The following ZFP91 variants were observed in gnomAD, a reference collection of about 807,000 sequenced individuals.
ZFP91 encodes the protein E3 ubiquitin-protein ligase ZFP91.
In ZFP91, 7 loss-of-function variants were observed where a neutral mutation model predicts 63.5. The ratio of observed to expected loss-of-function variants is 0.11; its 90% CI spans 0.06 to 0.21. The LOEUF is 0.21. ZFP91 is among the 10% of genes least tolerant of loss of function. The pLI, the probability that ZFP91 is intolerant of heterozygous loss-of-function variation, is 1.00. For missense variants in ZFP91, 628 were observed against 736.6 expected (o/e 0.85, Z 1.71); for synonymous variants, 330 against 272.1 (o/e 1.21, Z -2.10).
rs1045541063 is a variant in ZFP91, at chr11:58,612,755, A to G, written c.909-7A>G. 2.5e-6 allele frequency: 4 copies of G among 1,590,770 alleles called. No individual in the cohort carries two copies. Among genetic ancestry groups the G allele is most frequent in the African/African-American group, 1.4e-5 (1 of 72,396 alleles). On this transcript the variant is annotated splice_region_variant and splice_polypyrimidine_tract_variant and intron_variant, in intron 7 of 10. Transcript: ENST00000316059. ...TTGCTAACTTTTCTTCTGCATTTTGATAATAGAAAAAAGCCTCCAATCCAG... is the reference window on the plus strand; with the variant it reads ...TTGCTAACTTTTCTTCTGCATTTTGGTAATAGAAAAAAGCCTCCAATCCAG...
At chr11:58,616,357 G>C (rs1565026429) in intron 9 of ZFP91, among the ~76,000 whole-genome samples, 6 of 151,784 alleles carry the variant, frequency 4.0e-5, no homozygotes, top group Admixed American at 3.9e-4. Flanking sequence ...GAAAAAAATT[G>C]TTTACTCCTT....
In ZFP91 at chr11:58,618,608, T is replaced by C. The variant is rs1855793612; in HGVS notation, c.*902T>C. Reference sequence around the variant, plus strand: ...TTTTTTGGAGTCTTTGTTGCTATATTTTGTGGGGCTGGGAGAGAGAGATTA... The same window carrying C: ...TTTTTTGGAGTCTTTGTTGCTATATCTTGTGGGGCTGGGAGAGAGAGATTA... On this transcript the variant is annotated 3_prime_UTR_variant, in exon 11 of 11. Transcript: ENST00000316059. The C allele has an allele frequency of 2.3e-6, 1 of 434,820 alleles. No individual in the cohort carries two copies. The highest frequency in any genetic ancestry group is 4.5e-6 in the Non-Finnish European group (1 of 220,484). 26.9% of individuals were successfully genotyped at this position (434,820 alleles called of 1,614,324 possible). A position where few individuals can be genotyped will look rare whatever the true frequency, so the allele number is the denominator to read the frequency against.
At chr11:58,581,542 G>C (rs905329356) in intron 1 of ZFP91, among the ~76,000 whole-genome samples, 1 of 152,168 alleles carries the variant, frequency 6.6e-6, no homozygotes, top group Non-Finnish European at 1.5e-5. Context: ...TGTAATTTTA[G>C]TAGAGGTGAG....
intron 2 of ZFP91, among the ~76,000 whole-genome samples, chr11:58,585,498 G>T (rs1274645146): frequency 2.6e-5 from 4 of 151,970 alleles, no homozygotes; most frequent in African/African-American, 9.7e-5. Context: ...TTTTTTTCTA[G>T]TTTTTGGCTG....
At chr11:58,587,599 T>C (rs1042487597) in intron 2 of ZFP91, among the ~76,000 whole-genome samples, 2 of 152,166 alleles carry the variant, frequency 1.3e-5, no homozygotes, top group Non-Finnish European at 1.5e-5. Flanking sequence ...TCTTAAGGGA[T>C]GGAGATCTAG....
At chr11:58,612,495 G>T (rs1404425023) in intron 7 of ZFP91, 167 bp downstream of exon 7, 2 of 680,082 alleles carry the variant, frequency 2.9e-6, no homozygotes, top group Non-Finnish European at 5.0e-6. Context: ...TATTTTCATT[G>T]TAAGAGCTTG....
chr11:58,609,002 T>C (rs1280990853), intron 2 of ZFP91, among the ~76,000 whole-genome samples: 1 of 152,204 alleles, frequency 6.6e-6, no homozygotes, highest in Non-Finnish European at 1.5e-5. Flanking sequence ...ACCTGAAATT[T>C]TGTTTTATTA....
chr11:58,590,974 T>C (rs150051946), intron 2 of ZFP91, among the ~76,000 whole-genome samples: 28 of 152,178 alleles, frequency 1.8e-4, no homozygotes, highest in Non-Finnish European at 3.1e-4. Flanking sequence ...ACCATACGTA[T>C]ACAGAAATGC....
At chr11:58,611,097 G>T in intron 5 of ZFP91, 43 bp downstream of exon 5, 1 of 1,569,010 alleles carries the variant, frequency 6.4e-7, no homozygotes, top group Non-Finnish European at 8.8e-7. Context: ...TGAAATATAA[G>T]TAGGAAAGCA....
rs550256690 is a variant in ZFP91 at position 58,612,536 on chromosome 11, T to TG, written c.908+214dup. On this transcript the variant is annotated intron_variant, in intron 7 of 10. Transcript: ENST00000316059. ...TCTAACAATCTTAATACTTTACCTTTGGGGGGTCATTAGTTTATTTGTGTT... is the reference window on the plus strand; with the variant it reads ...TCTAACAATCTTAATACTTTACCTTTGGGGGGGTCATTAGTTTATTTGTGTT... 255 of 625,500 alleles carry TG rather than the reference T, an allele frequency of 4.1e-4. 1 individual carries two copies. The highest frequency in any genetic ancestry group is 2.0e-3 in the East Asian group (73 of 36,144). The allele number at this position is 625,500 out of a possible 1,614,324, so 38.7% of individuals were successfully genotyped here.
chr11:58,583,882 TAG>T (rs1326563891), intron 1 of ZFP91, among the ~76,000 whole-genome samples: 11 of 152,128 alleles, frequency 7.2e-5, no homozygotes, highest in African/African-American at 2.6e-4. Context: ...TGTAACATAA[TAG>T]AGTCTTTACT....
chr11:58,585,518 A>G (rs1317997454), intron 2 of ZFP91, among the ~76,000 whole-genome samples: 1 of 151,944 alleles, frequency 6.6e-6, no homozygotes, highest in Non-Finnish European at 1.5e-5. Flanking sequence ...GTGTTCCTTG[A>G]TGTTAAATTC....
chr11:58,602,881 A>T (rs1223034771), intron 2 of ZFP91, among the ~76,000 whole-genome samples: 4 of 152,190 alleles, frequency 2.6e-5, no homozygotes, highest in African/African-American at 4.8e-5. Flanking sequence ...CGGGAGGCTG[A>T]GGCAGGAGAA....
At chr11:58,597,706 G>T (rs1855425582) in intron 2 of ZFP91, among the ~76,000 whole-genome samples, 1 of 152,084 alleles carries the variant, frequency 6.6e-6, no homozygotes, top group Admixed American at 6.6e-5. Context: ...CAAGATTTTT[G>T]CACCTGCTAC....
intron 2 of ZFP91, among the ~76,000 whole-genome samples, chr11:58,605,444 G>A (rs1000230816): frequency 2.0e-5 from 3 of 152,144 alleles, no homozygotes; most frequent in African/African-American, 4.8e-5. Flanking sequence ...ATTCCTGATA[G>A]CATTTTTTAT....
intron 2 of ZFP91, among the ~76,000 whole-genome samples, chr11:58,600,504 A>G (rs1855475973): frequency 6.6e-6 from 1 of 152,094 alleles, no homozygotes; most frequent in Non-Finnish European, 1.5e-5. Flanking sequence ...ACGTGTTGGT[A>G]TTATATTCTG....
intron 2 of ZFP91, among the ~76,000 whole-genome samples, chr11:58,593,052 A>G (rs1855334769): frequency 2.0e-5 from 3 of 152,234 alleles, no homozygotes; most frequent in South Asian, 2.1e-4. Context: ...GCACCAAGCC[A>G]TTCATGAGGG....
At chr11:58,587,555 A>C (rs1409329113) in intron 2 of ZFP91, among the ~76,000 whole-genome samples, 1 of 152,200 alleles carries the variant, frequency 6.6e-6, no homozygotes, top group Non-Finnish European at 1.5e-5. Context: ...GATTATCTTC[A>C]TGATTGTGGA....
chr11:58,579,377 GC>G lies in ZFP91; in HGVS notation c.101del (p.Pro34LeufsTer17). ...CGGCTCCGGAGGAGCCCCAACAACG[GC>G]CCCCTGAGGCGGTCGCGGCGGCGCC... ...KAAPEEPQQR[P>X]PEAVAAAPAG... On this transcript the variant is annotated frameshift_variant, in exon 1 of 11. Coordinates refer to ENST00000316059, the MANE Select transcript of ZFP91 (RefSeq NM_053023.5). LOFTEE classifies it high-confidence loss of function. The G allele has an allele frequency of 2.0e-6, 3 of 1,483,452 alleles. No homozygotes were observed. The highest frequency in any genetic ancestry group is 2.5e-5 in the Admixed American group (1 of 40,466). 91.9% of individuals were successfully genotyped at this position (1,483,452 alleles called of 1,614,324 possible).
Sources: gnomAD v4.1 joint callset for allele counts (sites outside exome capture counted in the v4.1 genomes callset) on GRCh38, gnomAD v4.1.1 for gene constraint, MANE v1.5 for transcripts, NCBI Gene and HGNC (gene_info 2026-07-23, HGNC 2026-07-21) for gene names.